The following MBD5 variants were observed in gnomAD, a reference collection of about 807,000 sequenced individuals.
MBD5 encodes methyl-CpG binding domain protein 5.
Under a neutral mutation model 117.3 loss-of-function variants are expected in MBD5, and 13 were observed. The observed-to-expected ratio is 0.11, with a 90% CI of 0.07 to 0.18. The LOEUF is 0.18. Ranked by LOEUF, MBD5 falls within the 10% of genes least tolerant of loss-of-function variation. The pLI is 1.00. For missense variants in MBD5, 1,879 were observed against 2,093.8 expected (o/e 0.90, Z 2.00); for synonymous variants, 727 against 766.4 (o/e 0.95, Z 0.85).
At chr2:148,035,670 A>G (rs529047592) in intron 1 of MBD5, among the ~76,000 whole-genome samples, 2 of 152,244 alleles carry the variant, frequency 1.3e-5, no homozygotes, top group South Asian at 4.1e-4. Flanking sequence ...TTGTTTCCTC[A>G]CATTAGGTAG....
intron 1 of MBD5, among the ~76,000 whole-genome samples, chr2:148,035,326 A>G (rs1471304799): frequency 6.6e-6 from 1 of 151,872 alleles, no homozygotes; most frequent in East Asian, 1.9e-4. Context: ...TATTACTATT[A>G]ATAACTGTTC....
chr2:148,385,059 A>T (rs1413057276), intron 4 of MBD5, among the ~76,000 whole-genome samples: 1 of 152,218 alleles, frequency 6.6e-6, no homozygotes, highest in Non-Finnish European at 1.5e-5. Flanking sequence ...ATGGGCAAGG[A>T]CTTCCTGTCT....
intron 1 of MBD5, among the ~76,000 whole-genome samples, chr2:148,088,013 A>G (rs975933041): frequency 6.6e-6 from 1 of 151,862 alleles, no homozygotes; most frequent in African/African-American, 2.4e-5. Context: ...TAGATATCAT[A>G]ACGAAAAAAA....
At chr2:148,252,124 A>G (rs1012830100) in intron 3 of MBD5, among the ~76,000 whole-genome samples, 2 of 152,136 alleles carry the variant, frequency 1.3e-5, no homozygotes, top group Admixed American at 6.6e-5. Context: ...GGATAGTTCC[A>G]TAGAACAAAG....
chr2:148,263,884 C>A (rs1459413603), intron 3 of MBD5, among the ~76,000 whole-genome samples: 2 of 152,230 alleles, frequency 1.3e-5, no homozygotes, highest in East Asian at 3.9e-4. Context: ...ATGAGTCTGG[C>A]CAAAAGCCAT....
chr2:148,240,508 C>G (rs1157811871), intron 3 of MBD5, among the ~76,000 whole-genome samples: 1 of 152,096 alleles, frequency 6.6e-6, no homozygotes, highest in Non-Finnish European at 1.5e-5. Context: ...TTTCAGCCAC[C>G]CAAAGTGCTG....
At chr2:148,080,105 G>T (rs879806216) in intron 1 of MBD5, among the ~76,000 whole-genome samples, 2 of 152,146 alleles carry the variant, frequency 1.3e-5, no homozygotes, top group Admixed American at 6.5e-5. Context: ...TGGTCTTATT[G>T]TGCAAAGGAA....
chr2:148,048,426 A>G (rs1260987749), intron 1 of MBD5, among the ~76,000 whole-genome samples: 1 of 152,210 alleles, frequency 6.6e-6, no homozygotes, highest in East Asian at 1.9e-4. Context: ...TAGTGAGGAT[A>G]TGCACATACC....
At position 148,512,310 on chromosome 2, in the gene MBD5, A is replaced by G. The variant is rs921269198; in HGVS notation, c.5113-560A>G. On this transcript the variant is annotated intron_variant, in intron 13 of 13. Transcript: ENST00000642680. ...AGACTACACAATTTCAGATCTGCCA[A>G]CAGATGATAGTGGTATTCTCTTTTC... 8 of 175,872 alleles carry G rather than the reference A, an allele frequency of 4.5e-5. 1 individual carries two copies. The highest frequency in any genetic ancestry group is 2.7e-4 in the Admixed American group (5 of 18,542). 10.9% of individuals were successfully genotyped at this position (175,872 alleles called of 1,614,324 possible). A position where few individuals can be genotyped will look rare whatever the true frequency, so the allele number is the denominator to read the frequency against.
At chr2:148,268,049 A>C (rs535270262) in intron 3 of MBD5, among the ~76,000 whole-genome samples, 1 of 149,808 alleles carries the variant, frequency 6.7e-6, no homozygotes, top group East Asian at 2.0e-4. Flanking sequence ...TTCCAGGCTC[A>C]ATCAATTCTC....
intron 3 of MBD5, among the ~76,000 whole-genome samples, chr2:148,282,680 G>C (rs927511729): frequency 2.0e-5 from 3 of 151,380 alleles, no homozygotes; most frequent in African/African-American, 7.3e-5. Context: ...TTCACTTATA[G>C]CCATTCTCTT....
At chr2:148,229,550 A>G (rs138032068) in intron 2 of MBD5, among the ~76,000 whole-genome samples, 512 of 152,098 alleles carry the variant, frequency 3.4e-3, no homozygotes, top group Non-Finnish European at 4.0e-3. Context: ...TGTTGATGCT[A>G]GTAGATGTTC....
At position 148,463,790 on chromosome 2, in the gene MBD5, G is replaced by A. The variant is rs1329667912; in HGVS notation, c.268G>A (p.Val90Ile). Residue 90 changes from valine to isoleucine, a missense_variant, in exon 7 of 14, where the codon GTT becomes ATT. Physicochemically the swap from Val to Ile is conservative, Grantham distance 29. Around this residue, in one of 4 missense-constraint regions of MBD5, gnomAD observed 71 missense variants for 129.2 expected, o/e 0.55. Transcript: ENST00000642680. ...TGTGAAACAGAGAACCGCAGAAGAT[G>A]TTAAGGCAGATGAAGATGTCACAAA... ...AAVKQRTAED[V>I]KADEDVTKLC... 1.2e-6 allele frequency: 2 copies of A among 1,613,818 alleles called. No individual in the cohort carries two copies. The highest frequency in any genetic ancestry group is 1.7e-6 in the Non-Finnish European group (2 of 1,179,792).
chr2:148,431,869 G>T (rs1475323766), intron 4 of MBD5, among the ~76,000 whole-genome samples: 2 of 152,114 alleles, frequency 1.3e-5, no homozygotes, highest in Non-Finnish European at 2.9e-5. Context: ...CTTTATGATA[G>T]AATGATTTAT....
intron 8 of MBD5, among the ~76,000 whole-genome samples, chr2:148,475,977 C>A (rs1304654036): frequency 6.6e-6 from 1 of 152,162 alleles, no homozygotes; most frequent in African/African-American, 2.4e-5. Context: ...ATACTACTTG[C>A]AAATTCAAAG....
At chr2:148,060,249 C>T (rs972435843) in intron 1 of MBD5, among the ~76,000 whole-genome samples, 7 of 147,484 alleles carry the variant, frequency 4.7e-5, no homozygotes, top group African/African-American at 1.0e-4. Context: ...GTCAAGGCTG[C>T]GATGAGCTTT....
intron 2 of MBD5, among the ~76,000 whole-genome samples, chr2:148,207,816 GACATTA>G (rs1699324172): frequency 6.6e-6 from 1 of 152,082 alleles, no homozygotes. Flanking sequence ...TATATGGCAT[GACATTA>G]ATATATGTTC....
chr2:148,438,150 G>A (rs909957350), intron 4 of MBD5, among the ~76,000 whole-genome samples: 1 of 152,166 alleles, frequency 6.6e-6, no homozygotes, highest in African/African-American at 2.4e-5. Flanking sequence ...TGGAAATGAT[G>A]CAAAGACGAA....
At chr2:148,201,616 C>T (rs545023686) in intron 2 of MBD5, among the ~76,000 whole-genome samples, 19 of 152,214 alleles carry the variant, frequency 1.2e-4, no homozygotes, top group Middle Eastern at 3.4e-3. Flanking sequence ...CGCGTTCAGT[C>T]GGTCCGAAGT....
Sources: allele counts gnomAD v4.1 joint callset (sites outside exome capture counted in the v4.1 genomes callset), GRCh38; gene constraint gnomAD v4.1.1; regional missense constraint gnomAD v4.1.1; transcripts MANE v1.5; gene names NCBI Gene and HGNC (gene_info 2026-07-23, HGNC 2026-07-21).